Variants in SPHKAP observed in about 807,000 individuals in gnomAD.
The protein encoded by SPHKAP is SPHK1 interactor, AKAP domain containing.
Under a neutral mutation model 137.5 loss-of-function variants are expected in SPHKAP, and 67 were observed. The observed-to-expected ratio is 0.49, with a 90% CI of 0.40 to 0.60. SPHKAP has a LOEUF of 0.60. Ranked by LOEUF, SPHKAP falls within the 20% of genes least tolerant of loss-of-function variation. The probability of loss-of-function intolerance (pLI) is 0.00; values close to 1 mark genes in which losing one functional copy is unlikely to be tolerated. For missense variants in SPHKAP, 2,097 were observed against 2,069.3 expected, an observed-to-expected ratio of 1.01 and a Z score of -0.26; for synonymous variants, 813 against 785.3, an observed-to-expected ratio of 1.04 and a Z score of -0.59.
intron 2 of SPHKAP, among the ~76,000 whole-genome samples, chr2:228,127,160 G>A (rs1184400187): frequency 1.3e-5 from 2 of 152,180 alleles, no homozygotes; most frequent in Admixed American, 1.3e-4. Flanking sequence ...GGACAGCCTT[G>A]CTACTTCTCA....
rs200013987 is a variant in SPHKAP, at chr2:228,132,008, G to A, written c.110C>T (p.Pro37Leu). Residue 37 changes from proline (P) to leucine (L), a missense_variant, in exon 2 of 12, where the codon CCG becomes CTG. Pro to Leu is a moderately conservative substitution (Grantham distance 98). Transcript: ENST00000392056. ...CTTACAGGCTGTGATGGAGTTCCCCGGGCCGCTTCCTGAGCTGCCACAGCC... is the reference window on the plus strand; with the variant it reads ...CTTACAGGCTGTGATGGAGTTCCCCAGGCCGCTTCCTGAGCTGCCACAGCC... ...GRGCGSSGSG[P>L]GNSITACKKV... is the part of the protein sequence containing the mutation. The A allele has an allele frequency of 2.6e-5, 42 of 1,613,974 alleles. No homozygotes were observed. Among genetic ancestry groups the A allele is most frequent in the East Asian group, 6.7e-5 (3 of 44,870 alleles).
At chr2:228,009,718 G>C (rs1282536931) in intron 7 of SPHKAP, among the ~76,000 whole-genome samples, 2 of 152,152 alleles carry the variant, frequency 1.3e-5, no homozygotes, top group African/African-American at 4.8e-5. Flanking sequence ...AGTTCAGCTT[G>C]ATATTTTTGA....
chr2:228,121,275 C>T (rs1255240120), intron 2 of SPHKAP, among the ~76,000 whole-genome samples: 2 of 152,020 alleles, frequency 1.3e-5, no homozygotes, highest in Non-Finnish European at 1.5e-5. Flanking sequence ...TTTGAGAGGC[C>T]GAGGCAGGAG....
chr2:227,986,116 G>C (rs775823187), intron 11 of SPHKAP, among the ~76,000 whole-genome samples: 10 of 152,112 alleles, frequency 6.6e-5, no homozygotes, highest in Non-Finnish European at 1.0e-4. Flanking sequence ...CTGACTAAAG[G>C]ACTCAGTTTT....
In SPHKAP at chr2:227,991,609, CTTCAACCTCCTT is replaced by C. The variant is rs1036007696; in HGVS notation, c.4722-295_4722-284del. 4 of 985,316 alleles carry C rather than the reference CTTCAACCTCCTT, an allele frequency of 4.1e-6. No homozygotes were observed. In the African/African-American group the frequency reaches 7.0e-5, roughly 17 times the overall value. 61.0% of individuals were successfully genotyped at this position (985,316 alleles called of 1,614,324 possible). A position where few individuals can be genotyped will look rare whatever the true frequency, so the allele number is the denominator to read the frequency against. On this transcript the variant is annotated intron_variant, in intron 9 of 11. Transcript: ENST00000392056. ...GGGAGACTGAGAGATGCAACCTTCT[CTTCAACCTCCTT>C]ACCATAAACTTTCATAGGTTTAAAC... is the stretch of plus-strand genomic sequence containing the variant.
chr2:228,180,900 G>T (rs561827374), intron 1 of SPHKAP, among the ~76,000 whole-genome samples: 1 of 152,208 alleles, frequency 6.6e-6, no homozygotes, highest in African/African-American at 2.4e-5. Flanking sequence ...ACCCGGCAGC[G>T]CCTGGGGTGG....
chr2:228,109,259 G>T, intron 2 of SPHKAP: 4 of 531,058 alleles, frequency 7.5e-6, no homozygotes, highest in South Asian at 8.2e-5. Context: ...GGCTATGTGG[G>T]CAATGGGGAT....
chr2:228,040,161 T>TAACA (rs1695782908), intron 3 of SPHKAP, among the ~76,000 whole-genome samples: 1 of 152,238 alleles, frequency 6.6e-6, no homozygotes, highest in Non-Finnish European at 1.5e-5. Context: ...AAATATTTAC[T>TAACA]AACAGTTTTT....
chr2:227,982,491 G>A, intron 11 of SPHKAP: 1 of 396,656 alleles, frequency 2.5e-6, no homozygotes, highest in Non-Finnish European at 3.4e-6. Flanking sequence ...TAGAGAGAAA[G>A]TCTGGACTGC....
At chr2:228,041,465 C>T (rs1032943619) in intron 3 of SPHKAP, among the ~76,000 whole-genome samples, 11 of 151,556 alleles carry the variant, frequency 7.3e-5, no homozygotes, top group Non-Finnish European at 1.5e-4. Context: ...GCCAACATGG[C>T]GAAACCCTGT....
At chr2:227,995,813 C>G in intron 7 of SPHKAP, 119 bp from the exon 8 acceptor site, 3 of 1,300,810 alleles carry the variant, frequency 2.3e-6, no homozygotes, top group African/African-American at 3.0e-5. Context: ...CAGGCAGAGT[C>G]TCCCTGGGCT....
chr2:228,159,897 A>C (rs918845537), intron 1 of SPHKAP, among the ~76,000 whole-genome samples: 1 of 152,174 alleles, frequency 6.6e-6, no homozygotes, highest in Non-Finnish European at 1.5e-5. Context: ...CTTCCAGACC[A>C]ATCTGTGGTT....
intron 7 of SPHKAP, among the ~76,000 whole-genome samples, chr2:228,003,207 T>C (rs1296109223): frequency 6.6e-6 from 1 of 152,254 alleles, no homozygotes; most frequent in African/African-American, 2.4e-5. Flanking sequence ...GAGCATGGAA[T>C]GTTCTTCCAT....
chr2:228,019,614 A>G lies in SPHKAP; in HGVS notation c.1240T>C (p.Leu414=). The stretch of plus-strand genomic sequence containing the variant: ...ACACTGACTGCAGATTCCTGGGGTA[A>G]TGTGGACTGAGATTGAGATAATCTA... The part of the protein sequence containing the change: ...FIRLSQSQST[L]PQESAVSVSV... The change falls in exon 7 of 12, where the codon TTA becomes CTA. Residue 414 remains leucine (L), a synonymous_variant. Transcript: ENST00000392056. The G allele has an allele frequency of 6.2e-7, 1 of 1,614,146 alleles. No homozygotes were observed. Among genetic ancestry groups the G allele is most frequent in the African/African-American group, 1.3e-5 (1 of 75,066 alleles).
At chr2:228,086,374 TAAG>T (rs1203343423) in intron 3 of SPHKAP, among the ~76,000 whole-genome samples, 2 of 152,104 alleles carry the variant, frequency 1.3e-5, no homozygotes, top group Non-Finnish European at 2.9e-5. Flanking sequence ...TTTGGGCATC[TAAG>T]AAGGTGGTGC....
At chr2:227,995,777 C>A in intron 7 of SPHKAP, 83 bp from the exon 8 acceptor site, 1 of 1,399,444 alleles carries the variant, frequency 7.1e-7, no homozygotes, top group South Asian at 1.5e-5. Context: ...TTTGTAGAGT[C>A]CCAATAAACA....
At chr2:228,097,984 T>C (rs1347545559) in intron 3 of SPHKAP, among the ~76,000 whole-genome samples, 1 of 152,188 alleles carries the variant, frequency 6.6e-6, no homozygotes, top group African/African-American at 2.4e-5. Flanking sequence ...TCTATATTCC[T>C]TTGTGTATAT....
chr2:228,055,885 C>T (rs1337982769), intron 3 of SPHKAP, among the ~76,000 whole-genome samples: 1 of 152,196 alleles, frequency 6.6e-6, no homozygotes, highest in African/African-American at 2.4e-5. Context: ...CATATTGCTG[C>T]TACTGTCTCC....
chr2:228,013,664 T>C (rs1694468189), intron 7 of SPHKAP, among the ~76,000 whole-genome samples: 1 of 152,004 alleles, frequency 6.6e-6, no homozygotes, highest in Non-Finnish European at 1.5e-5. Context: ...AGGCCCTGAG[T>C]TGAGAGATTT....
Sources: gnomAD v4.1 joint callset for allele counts (sites outside exome capture counted in the v4.1 genomes callset) on GRCh38, gnomAD v4.1.1 for gene constraint, MANE v1.5 for transcripts, NCBI Gene and HGNC (gene_info 2026-07-23, HGNC 2026-07-21) for gene names.